NELL1: variants seen among roughly 807,000 people sequenced by gnomAD.
NELL1 encodes protein kinase C-binding protein NELL1.
NELL1 carries 76 observed loss-of-function variants against 107.4 expected under a neutral mutation model. The observed-to-expected ratio is 0.71, with a 90% CI of 0.59 to 0.86. The LOEUF is 0.86. Among genes scored for constraint, NELL1 ranks in the 40% least tolerant of loss-of-function variants. The pLI is 0.00. For synonymous variants in NELL1, 353 were observed against 341.2 expected (o/e 1.03, Z -0.38); for missense variants, 1,024 against 1,005.5 (o/e 1.02, Z -0.25).
chr11:21,085,160 T>C (rs147051901), intron 12 of NELL1, among the ~76,000 whole-genome samples: 1,775 of 152,328 alleles, frequency 0.012, 19 homozygotes, highest in Non-Finnish European at 0.015. Context: ...ACCTATAATA[T>C]GTTCAACATT....
At chr11:21,484,324 C>T (rs1203714335) in intron 15 of NELL1, among the ~76,000 whole-genome samples, 3 of 151,054 alleles carry the variant, frequency 2.0e-5, no homozygotes, top group East Asian at 1.9e-4. Context: ...TTTTGGTGAC[C>T]GTTCTTATAT....
At chr11:20,760,831 C>T (rs1174091693) in intron 2 of NELL1, among the ~76,000 whole-genome samples, 2 of 152,192 alleles carry the variant, frequency 1.3e-5, no homozygotes, top group Admixed American at 1.3e-4. Flanking sequence ...TCCCATTTGA[C>T]TGTGTCTGTT....
intron 13 of NELL1, among the ~76,000 whole-genome samples, chr11:21,214,463 G>A (rs1170635315): frequency 6.6e-6 from 1 of 152,076 alleles, no homozygotes; most frequent in Non-Finnish European, 1.5e-5. Context: ...TTGGCAGTTA[G>A]CACAATATAA....
intron 13 of NELL1, among the ~76,000 whole-genome samples, chr11:21,121,119 C>T (rs1052285216): frequency 4.6e-5 from 7 of 152,094 alleles, no homozygotes; most frequent in Non-Finnish European, 7.3e-5. Context: ...AAAAGTAATT[C>T]TAATGTCCAG....
At chr11:20,998,256 G>A (rs958233838) in intron 12 of NELL1, among the ~76,000 whole-genome samples, 33 of 152,036 alleles carry the variant, frequency 2.2e-4, no homozygotes, top group African/African-American at 8.0e-4. Context: ...TTAGTAAATA[G>A]CCATGCAGAT....
At chr11:20,836,478 T>C (rs1786730798) in intron 3 of NELL1, among the ~76,000 whole-genome samples, 1 of 152,092 alleles carries the variant, frequency 6.6e-6, no homozygotes, top group Non-Finnish European at 1.5e-5. Context: ...AAAATGTATT[T>C]TCACAAAAAA....
chr11:20,847,939 C>G (rs1848730687), intron 4 of NELL1, among the ~76,000 whole-genome samples, 186 bp downstream of exon 4: 1 of 152,164 alleles, frequency 6.6e-6, no homozygotes, highest in South Asian at 2.1e-4. Context: ...GATAAGAAAA[C>G]AGTTCATTAA....
chr11:21,181,001 TA>T (rs1227179832), intron 13 of NELL1, among the ~76,000 whole-genome samples: 1 of 151,800 alleles, frequency 6.6e-6, no homozygotes, highest in African/African-American at 2.4e-5. Context: ...ATTTTTTTTC[TA>T]AAAATGAGGA....
At chr11:21,139,257 G>T (rs534344030) in intron 13 of NELL1, among the ~76,000 whole-genome samples, 1 of 152,286 alleles carries the variant, frequency 6.6e-6, no homozygotes, top group African/African-American at 2.4e-5. Flanking sequence ...TGCCATGACT[G>T]GTGAAGCCTA....
intron 15 of NELL1, among the ~76,000 whole-genome samples, chr11:21,475,167 C>T (rs1854295242): frequency 6.6e-6 from 1 of 152,096 alleles, no homozygotes; most frequent in South Asian, 2.1e-4. Flanking sequence ...CTTATGTTAA[C>T]ATTGGTTATA....
intron 15 of NELL1, among the ~76,000 whole-genome samples, chr11:21,473,005 A>T (rs1303782835): frequency 6.6e-6 from 1 of 152,036 alleles, no homozygotes; most frequent in Admixed American, 6.6e-5. Flanking sequence ...AGCTATTTTT[A>T]TAATATTAGG....
intron 16 of NELL1, among the ~76,000 whole-genome samples, chr11:21,555,567 C>T (rs1251100947): frequency 1.3e-5 from 2 of 151,766 alleles, no homozygotes; most frequent in East Asian, 1.9e-4. Context: ...AGAGTCATTG[C>T]AGAGTAAGAA....
intron 2 of NELL1, among the ~76,000 whole-genome samples, chr11:20,754,030 G>A (rs931023696): frequency 6.6e-6 from 1 of 152,158 alleles, no homozygotes; most frequent in African/African-American, 2.4e-5. Flanking sequence ...GGTGTTGATG[G>A]ACCAGACCTG....
chr11:20,669,926 C>A lies in NELL1; in HGVS notation c.55+148C>A. 1 of 682,440 alleles carries A rather than the reference C, an allele frequency of 1.5e-6. No homozygotes were observed. Among genetic ancestry groups the A allele is most frequent in the Non-Finnish European group, 2.6e-6 (1 of 379,056 alleles). The allele number at this position is 682,440 out of a possible 1,614,324, so 42.3% of individuals were successfully genotyped here. On this transcript the variant is annotated intron_variant, in intron 1 of 19. Coordinates refer to ENST00000357134, the MANE Select transcript of NELL1 (RefSeq NM_006157.5). This position sits in a 1 kb window ranked among gnomAD's most constrained non-coding sequence, Gnocchi z 4.4. Reference sequence around the variant, plus strand: ...GTTCCTGGGATCTCTTTGCCCTGCTCGGAGTGACAGGGTGAAAATAGGGAC... The same window carrying A: ...GTTCCTGGGATCTCTTTGCCCTGCTAGGAGTGACAGGGTGAAAATAGGGAC...
chr11:21,191,620 C>T (rs1388412199), intron 13 of NELL1, among the ~76,000 whole-genome samples: 4 of 151,888 alleles, frequency 2.6e-5, no homozygotes, highest in Non-Finnish European at 5.9e-5. Context: ...TCAGTTTTCT[C>T]ATTTTGTAAA....
chr11:20,927,343 A>G lies in NELL1; in HGVS notation c.795A>G (p.Glu265=), dbSNP rs770254793. ...CAGAGACAAGACTTAGTCAATTGGAAAACTGTCATTGTGAGAAGACTTGTC... is the reference window on the plus strand; with the variant it reads ...CAGAGACAAGACTTAGTCAATTGGAGAACTGTCATTGTGAGAAGACTTGTC... The part of the protein sequence containing the change: ...NYAETRLSQL[E]NCHCEKTCQV... The change falls in exon 8 of 20, where the codon GAA becomes GAG. Residue 265 remains glutamate, a synonymous_variant. Coordinates refer to ENST00000357134, the MANE Select transcript of NELL1 (RefSeq NM_006157.5). 1.2e-6 allele frequency: 2 copies of G among 1,612,814 alleles called. No individual in the cohort carries two copies. The highest frequency in any genetic ancestry group is 2.2e-5 in the South Asian group (2 of 90,648).
chr11:20,862,605 CTTTTTTTTTTTTTT>C (rs386373288), intron 4 of NELL1, among the ~76,000 whole-genome samples: 1 of 94,650 alleles, frequency 1.1e-5, no homozygotes, highest in Non-Finnish European at 1.9e-5. Flanking sequence ...TGAGCTGCTG[CTTTTTTTTTTTTTT>C]TTTTTTTTTA....
At chr11:21,034,777 C>T (rs1421383602) in intron 12 of NELL1, among the ~76,000 whole-genome samples, 1 of 151,952 alleles carries the variant, frequency 6.6e-6, no homozygotes, top group Non-Finnish European at 1.5e-5. Flanking sequence ...CACTAAATGC[C>T]CACATCAAAA....
intron 2 of NELL1, among the ~76,000 whole-genome samples, chr11:20,776,216 T>C (rs1856746733): frequency 6.6e-6 from 1 of 152,102 alleles, no homozygotes; most frequent in Non-Finnish European, 1.5e-5. Flanking sequence ...GGTGGGTGGA[T>C]CACCTGAGCC....
Sources: gnomAD v4.1 joint callset for allele counts (sites outside exome capture counted in the v4.1 genomes callset) on GRCh38, gnomAD v4.1.1 for gene constraint, Gnocchi (gnomAD v3.1) non-coding constraint, MANE v1.5 for transcripts, NCBI Gene and HGNC (gene_info 2026-07-23, HGNC 2026-07-21) for gene names.